RAB38: variants seen among roughly 807,000 people sequenced by gnomAD.
The protein encoded by RAB38 is ras-related protein Rab-38.
RAB38 carries 15 observed loss-of-function variants against 18.4 expected under a neutral mutation model. That is an observed-to-expected ratio of 0.82 (90% CI 0.55 to 1.26). The LOEUF is 1.26. RAB38 is among the 50% of genes most tolerant of loss of function. The probability of loss-of-function intolerance (pLI) is 0.00; values close to 1 mark genes in which losing one functional copy is unlikely to be tolerated. For synonymous variants in RAB38, 101 were observed against 104.4 expected (o/e 0.97, Z 0.20); for missense variants, 294 against 267.4 (o/e 1.10, Z -0.69).
At chr11:87,917,655 T>A in the RAB38 span, among the ~76,000 whole-genome samples, 2 of 151,320 alleles carry the variant, frequency 1.3e-5, no homozygotes, top group Admixed American at 1.3e-4. Context: ...GAACATGCCT[T>A]AATGGCACCT....
the RAB38 span, among the ~76,000 whole-genome samples, chr11:87,975,274 G>T: frequency 6.6e-6 from 1 of 151,778 alleles, no homozygotes; most frequent in Non-Finnish European, 1.5e-5. Context: ...ACATTCTGAG[G>T]TTCCAGGTCA....
the RAB38 span, among the ~76,000 whole-genome samples, chr11:87,878,980 T>G: frequency 6.6e-6 from 1 of 151,090 alleles, no homozygotes; most frequent in South Asian, 2.1e-4. Flanking sequence ...GATTTTTTTT[T>G]TTTTTTTTTG....
chr11:88,142,521 T>C (rs1942928647), intron 2 of RAB38, among the ~76,000 whole-genome samples: 1 of 152,216 alleles, frequency 6.6e-6, no homozygotes, highest in African/African-American at 2.4e-5. Flanking sequence ...TCCATAGGTA[T>C]CTGTAGAAAA....
chr11:88,007,224 T>C, the RAB38 span, among the ~76,000 whole-genome samples: 1 of 151,896 alleles, frequency 6.6e-6, no homozygotes, highest in Admixed American at 6.6e-5. Context: ...TGGGAGAATG[T>C]CTACAATTTG....
chr11:88,034,841 A>G, the RAB38 span, among the ~76,000 whole-genome samples: 1 of 152,204 alleles, frequency 6.6e-6, no homozygotes, highest in East Asian at 1.9e-4. Flanking sequence ...GTTTAAATTT[A>G]CATTTATGTT....
At chr11:88,146,825 G>C (rs1942993219) in intron 2 of RAB38, among the ~76,000 whole-genome samples, 1 of 152,078 alleles carries the variant, frequency 6.6e-6, no homozygotes, top group Admixed American at 6.5e-5. Flanking sequence ...TTACAATAAG[G>C]CCTTGTACTC....
At chr11:87,840,412 G>A in the RAB38 span, among the ~76,000 whole-genome samples, 14 of 152,280 alleles carry the variant, frequency 9.2e-5, no homozygotes, top group African/African-American at 1.4e-4. Context: ...GAAAGTTGGC[G>A]ATTGGATTTC....
the RAB38 span, among the ~76,000 whole-genome samples, chr11:87,838,182 T>G: frequency 1.3e-5 from 2 of 152,032 alleles, no homozygotes; most frequent in African/African-American, 4.8e-5. Flanking sequence ...TGGCATGATC[T>G]CGGCTCACTG....
chr11:87,933,565 T>C, the RAB38 span, among the ~76,000 whole-genome samples: 1 of 152,034 alleles, frequency 6.6e-6, no homozygotes, highest in East Asian at 1.9e-4. Flanking sequence ...ATTCTGTAAA[T>C]GTGAAGCTTC....
chr11:88,084,325 A>C, the RAB38 span, among the ~76,000 whole-genome samples: 1 of 151,736 alleles, frequency 6.6e-6, no homozygotes, highest in Non-Finnish European at 1.5e-5. Flanking sequence ...AAAAAAAAGT[A>C]AAGTTATGAG....
chr11:87,967,224 G>A, the RAB38 span, among the ~76,000 whole-genome samples: 1 of 152,060 alleles, frequency 6.6e-6, no homozygotes, highest in Non-Finnish European at 1.5e-5. Flanking sequence ...CTTCTAGCTT[G>A]GCATTTTATT....
At chr11:88,093,931 TG>T in the RAB38 span, among the ~76,000 whole-genome samples, 1 of 151,900 alleles carries the variant, frequency 6.6e-6, no homozygotes, top group Non-Finnish European at 1.5e-5. Flanking sequence ...AAGGGCTCCT[TG>T]CTAACTTATC....
chr11:88,008,932 A>C, the RAB38 span, among the ~76,000 whole-genome samples: 1 of 152,202 alleles, frequency 6.6e-6, no homozygotes, highest in Non-Finnish European at 1.5e-5. Flanking sequence ...TCGGCCTCCC[A>C]AAGTGCTGGG....
the RAB38 span, among the ~76,000 whole-genome samples, chr11:88,067,736 G>A: frequency 6.6e-6 from 1 of 151,932 alleles, no homozygotes. Flanking sequence ...ACACAGTGAG[G>A]GGAACAACAC....
At chr11:87,920,213 G>A in the RAB38 span, among the ~76,000 whole-genome samples, 2 of 151,176 alleles carry the variant, frequency 1.3e-5, no homozygotes, top group Admixed American at 1.3e-4. Context: ...TTCTTTTTCT[G>A]TTTCTCTAAG....
At chr11:87,868,316 C>G in the RAB38 span, among the ~76,000 whole-genome samples, 2 of 151,738 alleles carry the variant, frequency 1.3e-5, no homozygotes, top group African/African-American at 4.8e-5. Flanking sequence ...ACCATGTGAT[C>G]TGTGCACGTC....
the RAB38 span, among the ~76,000 whole-genome samples, chr11:87,811,199 T>C: frequency 6.6e-6 from 1 of 152,212 alleles, no homozygotes; most frequent in African/African-American, 2.4e-5. Flanking sequence ...AGGCTTTTTC[T>C]AGTGGAGTGT....
chr11:87,846,474 T>C, the RAB38 span, among the ~76,000 whole-genome samples: 4 of 151,932 alleles, frequency 2.6e-5, no homozygotes, highest in African/African-American at 9.7e-5. Flanking sequence ...AAAATAAGCT[T>C]TAAGAAAAGT....
the RAB38 span, among the ~76,000 whole-genome samples, chr11:88,045,724 A>G: frequency 6.6e-6 from 1 of 152,098 alleles, no homozygotes; most frequent in African/African-American, 2.4e-5. Flanking sequence ...GGTGACTCTC[A>G]CAGTGGAGGT....
Sources: gnomAD v4.1 joint callset for allele counts (sites outside exome capture counted in the v4.1 genomes callset) on GRCh38, gnomAD v4.1.1 for gene constraint, MANE v1.5 for transcripts, NCBI Gene and HGNC (gene_info 2026-07-23, HGNC 2026-07-21) for gene names.